The following TAB3 variants were observed in gnomAD, a reference collection of about 807,000 sequenced individuals.
The protein encoded by TAB3 is TGF-beta activated kinase 1 (MAP3K7) binding protein 3.
In TAB3, 18 loss-of-function variants were observed where a neutral mutation model predicts 48.1. The observed-to-expected ratio is 0.37, with a 90% CI of 0.26 to 0.55. TAB3 has a LOEUF of 0.55. Ranked by LOEUF, TAB3 falls within the 20% of genes least tolerant of loss-of-function variation. The pLI is 0.78. For synonymous variants in TAB3, 185 were observed against 190.2 expected (o/e 0.97, Z 0.22); for missense variants, 414 against 549.8 (o/e 0.75, Z 2.47).
rs1938916085 is a variant in TAB3, at chrX:30,853,013, T to C, written c.1550-75A>G. 3 of 1,046,544 alleles carry C rather than the reference T, an allele frequency of 2.9e-6. No individual in the cohort carries two copies. The East Asian group carries it at 9.3e-5, about 32-fold the overall frequency. The allele number at this position is 1,046,544 out of a possible 1,213,427, so 86.2% of individuals were successfully genotyped here. A position where few individuals can be genotyped will look rare whatever the true frequency, so the allele number is the denominator to read the frequency against. ...ACTGGAAAATTTCGATATGCACTGC[T>C]AATGTATAAAAGACTCATTCAACTT... On this transcript the variant is annotated intron_variant, in intron 6 of 10. Coordinates refer to ENST00000288422, the MANE Select transcript of TAB3 (RefSeq NM_152787.5).
chrX:30,876,554 G>A (rs1939842118), intron 1 of TAB3, among the ~76,000 whole-genome samples: 1 of 111,700 alleles, frequency 9.0e-6, no homozygotes, highest in African/African-American at 3.3e-5. Context: ...CACCCAGGCT[G>A]GAATGCGGTG....
chrX:30,870,914 C>T (rs768783907), intron 2 of TAB3, among the ~76,000 whole-genome samples: 2 of 112,454 alleles, frequency 1.8e-5, no homozygotes, highest in East Asian at 5.6e-4. Context: ...AAACATTTCA[C>T]ACAAGAAGAT....
intron 9 of TAB3, among the ~76,000 whole-genome samples, chrX:30,837,999 C>T (rs991407121): frequency 8.9e-6 from 1 of 112,369 alleles, no homozygotes; most frequent in East Asian, 2.8e-4. Flanking sequence ...GGGGTATAAA[C>T]CTGGGCTCCC....
At position 30,829,472 on chromosome X, in the gene TAB3, C is replaced by T. The variant is rs1012088478; in HGVS notation, c.*1955G>A. 1 of 112,001 alleles carries T rather than the reference C, an allele frequency of 8.9e-6. No individual in the cohort carries two copies. Among genetic ancestry groups the T allele is most frequent in the African/African-American group, 3.3e-5 (1 of 30,686 alleles). The allele number at this position is 112,001 out of a possible 1,213,427, so 9.2% of individuals were successfully genotyped here. A position where few individuals can be genotyped will look rare whatever the true frequency, so the allele number is the denominator to read the frequency against. On this transcript the variant is annotated 3_prime_UTR_variant, in exon 11 of 11. Coordinates refer to ENST00000288422, the MANE Select transcript of TAB3 (RefSeq NM_152787.5). ...ACCATACAAAGGCAAAGGCATATTA[C>T]AGAACAGTAGGACGGCTAGACTGTT...
At position 30,834,149 on chromosome X, in the gene TAB3, G is replaced by A. The variant is rs1377368529; in HGVS notation, c.1892C>T (p.Ser631Phe). 8.3e-7 allele frequency: 1 copy of A among 1,205,331 alleles called. No homozygotes were observed. Among genetic ancestry groups the A allele is most frequent in the African/African-American group, 1.8e-5 (1 of 57,022 alleles). The change falls in exon 10 of 11, where the codon TCC becomes TTC. Residue 631 changes from serine (S) to phenylalanine (F), a missense_variant. Ser to Phe is a radical substitution (Grantham distance 155). Coordinates refer to ENST00000288422, the MANE Select transcript of TAB3 (RefSeq NM_152787.5). ...VVPPKPSKKD[S>F]SDPCTIERKA... ...TCTCTCAATTGTGCAGGGGTCTGAG[G>A]AGTCTGCATAAAAATAAACAACGCC...
intron 7 of TAB3, among the ~76,000 whole-genome samples, chrX:30,851,627 C>G (rs1241077344): frequency 8.9e-6 from 1 of 111,914 alleles, no homozygotes; most frequent in African/African-American, 3.2e-5. Flanking sequence ...CACAGATCCC[C>G]TTTGAAGCCA....
rs753671694 is a variant in TAB3 at position 30,830,177 on chromosome X, A to G, written c.*1250T>C. The G allele has an allele frequency of 1.8e-5, 2 of 111,805 alleles. No homozygotes were observed. The highest frequency in any genetic ancestry group is 3.8e-5 in the Non-Finnish European group (2 of 53,161). The allele number at this position is 111,805 out of a possible 1,213,427, so 9.2% of individuals were successfully genotyped here. ...GATCTGAACTGCCTGTAGAGACTCA[A>G]TTGACCTCTAGATACAGTTATGTTA... On this transcript the variant is annotated 3_prime_UTR_variant, in exon 11 of 11. Transcript: ENST00000288422.
Position 30,842,957 on chromosome X carries a change from CAT to C in TAB3, c.1888+7_1888+8del. On this transcript the variant is annotated splice_region_variant and intron_variant, in intron 9 of 10. Coordinates refer to ENST00000288422, the MANE Select transcript of TAB3 (RefSeq NM_152787.5). ...TTTCTATCGTATTTGTGACATTTTTCATACTCACCTTTTTTAGATGGCTTGGG... is the reference window on the plus strand; with the variant it reads ...TTTCTATCGTATTTGTGACATTTTTCACTCACCTTTTTTAGATGGCTTGGG... 1 of 1,097,817 alleles carries C rather than the reference CAT, an allele frequency of 9.1e-7. No individual in the cohort carries two copies. The highest frequency in any genetic ancestry group is 1.2e-6 in the Non-Finnish European group (1 of 816,856). The allele number at this position is 1,097,817 out of a possible 1,213,427, so 90.5% of individuals were successfully genotyped here.
At chrX:30,868,369 AGCT>A (rs1463853422) in intron 2 of TAB3, among the ~76,000 whole-genome samples, 37 of 989 alleles carry the variant, frequency 0.037, 9 homozygotes, top group African/African-American at 0.27. Flanking sequence ...ATATATATAT[AGCT>A]TATATATATA....
At chrX:30,842,605 G>A (rs1319696338) in intron 9 of TAB3, among the ~76,000 whole-genome samples, 2 of 110,554 alleles carry the variant, frequency 1.8e-5, no homozygotes, top group African/African-American at 3.3e-5. Context: ...ACACCAATAT[G>A]GTAAATTTGT....
chrX:30,832,639 A>G (rs1938060664), intron 10 of TAB3, among the ~76,000 whole-genome samples: 1 of 112,459 alleles, frequency 8.9e-6, no homozygotes, highest in South Asian at 3.7e-4. Context: ...ATGTTATAAC[A>G]TTCCCCAAGA....
chrX:30,842,416 T>C (rs1340060316), intron 9 of TAB3, among the ~76,000 whole-genome samples: 1 of 112,208 alleles, frequency 8.9e-6, no homozygotes, highest in Non-Finnish European at 1.9e-5. Flanking sequence ...TTTAGGGTTA[T>C]AGTTTTTACA....
intron 9 of TAB3, 78 bp from the exon 10 acceptor site, chrX:30,834,230 T>C: frequency 1.1e-6 from 1 of 908,297 alleles, no homozygotes; most frequent in Non-Finnish European, 1.6e-6. Context: ...ACAAGATCTT[T>C]CAAGCAACCC....
Position 30,854,874 on chromosome X carries a change from C to A in TAB3, c.791G>T (p.Arg264Leu), listed in dbSNP as rs1391970313. Residue 264 changes from arginine (R) to leucine (L), a missense_variant, in exon 6 of 11, where the codon CGT becomes CTT. By Grantham distance (102) the Arg-to-Leu change is moderately radical (BLOSUM62 -2). Transcript: ENST00000288422. ...TTGGTGTGGATAAACAGGTAAAGGA[C>A]GCTGGCTATAGTGAGGCACTGGGCC... ...PQGPVPHYSQ[R>L]PLPVYPHQQN... 1 of 1,208,702 alleles carries A rather than the reference C, an allele frequency of 8.3e-7. No homozygotes were observed. Among genetic ancestry groups the A allele is most frequent in the Non-Finnish European group, 1.1e-6 (1 of 894,761 alleles).
Position 30,828,468 on chromosome X carries a change from T to C in TAB3, c.*2959A>G, listed in dbSNP as rs1937946049. On this transcript the variant is annotated 3_prime_UTR_variant, in exon 11 of 11. Coordinates refer to ENST00000288422, the MANE Select transcript of TAB3 (RefSeq NM_152787.5). ...TTTTACAATGCATTTCTTTGTTTCTTTAAAGCCCCCTGCCTCTACTCTCTT... is the reference window on the plus strand; with the variant it reads ...TTTTACAATGCATTTCTTTGTTTCTCTAAAGCCCCCTGCCTCTACTCTCTT... 1 of 113,384 alleles carries C rather than the reference T, an allele frequency of 8.8e-6. No homozygotes were observed. The highest frequency in any genetic ancestry group is 9.5e-5 in the Admixed American group (1 of 10,547). 9.3% of individuals were successfully genotyped at this position (113,384 alleles called of 1,213,427 possible).
chrX:30,846,848 A>G (rs1486690254), intron 7 of TAB3, among the ~76,000 whole-genome samples: 3 of 112,210 alleles, frequency 2.7e-5, no homozygotes, highest in Non-Finnish European at 5.6e-5. Flanking sequence ...ATGGCCACAT[A>G]TAAACAAAAT....
Position 30,863,536 on chromosome X carries a change from C to T in TAB3, c.-91+3579G>A, listed in dbSNP as rs188829892. ...TGGTTAAGCACCATCCTAGGTGAGT[C>T]CTTGTTCCATTCACTCAAGATCTGA... On this transcript the variant is annotated intron_variant, in intron 4 of 10. Transcript: ENST00000288422. 5.2e-3 allele frequency among the ~76,000 whole-genome samples: 586 copies of T among 111,657 alleles called. 1 individual carries two copies. The highest frequency in any genetic ancestry group is 9.2e-3 in the Middle Eastern group (2 of 217).
intron 7 of TAB3, 22 bp from the exon 8 acceptor site, chrX:30,846,666 T>C: frequency 9.4e-7 from 1 of 1,063,263 alleles, no homozygotes; most frequent in Non-Finnish European, 1.3e-6. Flanking sequence ...GGACCCAAAA[T>C]AGCAATTGTG....
chrX:30,888,948 C>T (rs1326664967), intron 1 of TAB3, among the ~76,000 whole-genome samples, 166 bp downstream of exon 1: 1 of 113,252 alleles, frequency 8.8e-6, no homozygotes, highest in Admixed American at 9.1e-5. Flanking sequence ...CTCCGGCAGC[C>T]CCGCAGTTCC....
Sources: allele counts gnomAD v4.1 joint callset (sites outside exome capture counted in the v4.1 genomes callset), GRCh38; gene constraint gnomAD v4.1.1; transcripts MANE v1.5; gene names NCBI Gene and HGNC (gene_info 2026-07-23, HGNC 2026-07-21).